MAN1A1: variants seen among roughly 807,000 people sequenced by gnomAD.
The protein encoded by MAN1A1 is mannosidase alpha class 1A member 1.
In MAN1A1, 29 loss-of-function variants were observed where a neutral mutation model predicts 70.8. The observed-to-expected ratio is 0.41, with a 90% CI of 0.31 to 0.56. The LOEUF (loss-of-function observed/expected upper bound fraction) is 0.56. MAN1A1 is among the 20% of genes least tolerant of loss of function. The pLI, the probability that MAN1A1 is intolerant of heterozygous loss-of-function variation, is 0.29. For synonymous variants in MAN1A1, 349 were observed against 330.1 expected (o/e 1.06, Z -0.62); for missense variants, 747 against 841.3 (o/e 0.89, Z 1.39).
At chr6:119,298,599 CTT>C (rs747748603) in intron 4 of MAN1A1, among the ~76,000 whole-genome samples, 21 of 137,950 alleles carry the variant, frequency 1.5e-4, no homozygotes, top group Non-Finnish European at 9.5e-5. Context: ...ATTAACTTTT[CTT>C]TTTTTTTTTT....
chr6:119,297,989 A>G (rs1333125325), intron 4 of MAN1A1, among the ~76,000 whole-genome samples: 1 of 151,894 alleles, frequency 6.6e-6, no homozygotes, highest in Non-Finnish European at 1.5e-5. Flanking sequence ...CCCTCCTGAG[A>G]TAGCCTGGCT....
At chr6:119,306,656 C>T (rs1377647303) in intron 3 of MAN1A1, among the ~76,000 whole-genome samples, 1 of 152,116 alleles carries the variant, frequency 6.6e-6, no homozygotes, top group Non-Finnish European at 1.5e-5. Flanking sequence ...TAGAAGTATG[C>T]CCCAGGCGTC....
At chr6:119,322,858 T>C (rs1243219696) in intron 2 of MAN1A1, among the ~76,000 whole-genome samples, 2 of 152,150 alleles carry the variant, frequency 1.3e-5, no homozygotes, top group Non-Finnish European at 2.9e-5. Flanking sequence ...CTTAACTAGT[T>C]TTCAACCGCT....
intron 2 of MAN1A1, among the ~76,000 whole-genome samples, chr6:119,316,609 G>A (rs1474338519): frequency 2.0e-5 from 3 of 151,994 alleles, no homozygotes; most frequent in Non-Finnish European, 4.4e-5. Flanking sequence ...GTAATAAAAA[G>A]GTAAGCCCAA....
At chr6:119,317,735 T>G (rs1772894090) in intron 2 of MAN1A1, among the ~76,000 whole-genome samples, 1 of 152,202 alleles carries the variant, frequency 6.6e-6, no homozygotes, top group African/African-American at 2.4e-5. Flanking sequence ...TATAAGCATT[T>G]CCTTTTTGAA....
At chr6:119,199,822 T>C (rs563623340) in intron 8 of MAN1A1, among the ~76,000 whole-genome samples, 5 of 149,028 alleles carry the variant, frequency 3.4e-5, no homozygotes, top group Non-Finnish European at 7.4e-5. Context: ...GGGGCCGAGG[T>C]GGGAAGATAG....
At chr6:119,306,616 T>C (rs1772531976) in intron 3 of MAN1A1, among the ~76,000 whole-genome samples, 1 of 152,172 alleles carries the variant, frequency 6.6e-6, no homozygotes, top group Non-Finnish European at 1.5e-5. Context: ...TTTATGATAC[T>C]GCACCCTATA....
chr6:119,328,077 G>C (rs1034522570), intron 2 of MAN1A1, among the ~76,000 whole-genome samples: 1 of 152,070 alleles, frequency 6.6e-6, no homozygotes, highest in African/African-American at 2.4e-5. Flanking sequence ...ACCAAACAAG[G>C]CCACTCTGAC....
intron 6 of MAN1A1, among the ~76,000 whole-genome samples, chr6:119,236,161 T>G (rs1012703754): frequency 4.0e-5 from 6 of 149,976 alleles, no homozygotes; most frequent in African/African-American, 1.5e-4. Flanking sequence ...AGAATTATGC[T>G]AAATCTGTTC....
chr6:119,204,846 G>T lies in MAN1A1; in HGVS notation c.1029C>A (p.Gly343=), dbSNP rs768128513. 4 of 1,613,900 alleles carry T rather than the reference G, an allele frequency of 2.5e-6. No individual in the cohort carries two copies. Among genetic ancestry groups the T allele is most frequent in the Admixed American group, 3.3e-5 (2 of 59,998 alleles). Residue 343 remains glycine (G), a synonymous_variant, in exon 7 of 13, where the codon GGC becomes GGA. Transcript: ENST00000368468. ...TTCCAAATTCTGCCAGAATACTGCT[G>T]CCTCCAGAGGCCCAGGGCCAGTTCC... ...IGRNWPWASG[G]SSILAEFGTL...
intron 6 of MAN1A1, among the ~76,000 whole-genome samples, chr6:119,216,286 T>G (rs1241386775): frequency 6.6e-6 from 1 of 151,854 alleles, no homozygotes; most frequent in Non-Finnish European, 1.5e-5. Context: ...AAAGGAGGAG[T>G]GTAGGCAAGC....
intron 8 of MAN1A1, among the ~76,000 whole-genome samples, chr6:119,200,698 A>C (rs549291939): frequency 6.6e-6 from 1 of 152,324 alleles, no homozygotes; most frequent in African/African-American, 2.4e-5. Flanking sequence ...GGCTTCTAGG[A>C]TCAAAAGTTC....
At chr6:119,185,865 T>TTTA (rs1562181633) in intron 11 of MAN1A1, among the ~76,000 whole-genome samples, 1 of 132,340 alleles carries the variant, frequency 7.6e-6, no homozygotes, top group Non-Finnish European at 1.6e-5. Flanking sequence ...TTTTTTTTTT[T>TTTA]AAATATAAAT....
rs535843865 is a variant in MAN1A1 at position 119,286,506 on chromosome 6, G to A, written c.897+4177C>T. Among the ~76,000 whole-genome samples the A allele has an allele frequency of 2.1e-4, 32 of 152,112 alleles. No homozygotes were observed. In the South Asian group the frequency reaches 6.3e-3, roughly 30 times the overall value. On this transcript the variant is annotated intron_variant, in intron 5 of 12. Coordinates refer to ENST00000368468, the MANE Select transcript of MAN1A1 (RefSeq NM_005907.4). ...TCTCTTTCAGCAGTATTTCATACTGGTGTTTGCAGCAGTGGATAACTTTTA... is the reference window on the plus strand; with the variant it reads ...TCTCTTTCAGCAGTATTTCATACTGATGTTTGCAGCAGTGGATAACTTTTA...
chr6:119,259,162 A>G (rs556940390), intron 5 of MAN1A1, among the ~76,000 whole-genome samples: 1 of 152,298 alleles, frequency 6.6e-6, no homozygotes, highest in South Asian at 2.1e-4. Context: ...GTTACTAGCT[A>G]TCAGTTCATT....
At chr6:119,331,858 G>A (rs1773325286) in intron 2 of MAN1A1, 2 of 359,200 alleles carry the variant, frequency 5.6e-6, no homozygotes, top group Admixed American at 4.0e-5. Context: ...ATCTGAGCCT[G>A]CCAAGGCCCC....
chr6:119,246,257 C>T (rs930375144), intron 6 of MAN1A1, among the ~76,000 whole-genome samples: 2 of 152,034 alleles, frequency 1.3e-5, no homozygotes, highest in Non-Finnish European at 2.9e-5. Flanking sequence ...TTCCAGGAAA[C>T]GAGAGAAACT....
chr6:119,311,469 C>G (rs195046), intron 2 of MAN1A1, among the ~76,000 whole-genome samples: 86,894 of 152,020 alleles, frequency 0.57, 25,199 homozygotes, highest in African/African-American at 0.65. Context: ...TTTAGCTATG[C>G]AGGTTCATAC....
chr6:119,332,122 T>C (rs195075), intron 2 of MAN1A1: 89,362 of 305,294 alleles, frequency 0.29, 13,626 homozygotes, highest in Admixed American at 0.39. Context: ...TAGTATCTAA[T>C]AGGAAGTGAA....
Sources: gnomAD v4.1 joint callset for allele counts (sites outside exome capture counted in the v4.1 genomes callset) on GRCh38, gnomAD v4.1.1 for gene constraint, MANE v1.5 for transcripts, NCBI Gene and HGNC (gene_info 2026-07-23, HGNC 2026-07-21) for gene names.